The following FMN2 variants were observed in gnomAD, a reference collection of about 807,000 sequenced individuals.
FMN2 encodes the protein formin-2.
A neutral mutation model predicts 142.3 loss-of-function variants in FMN2; 51 were observed. The ratio of observed to expected loss-of-function variants is 0.36; its 90% CI spans 0.29 to 0.45. FMN2 has a LOEUF of 0.45. FMN2 is among the 20% of genes least tolerant of loss of function. The probability of loss-of-function intolerance (pLI) is 1.00; values close to 1 mark genes in which losing one functional copy is unlikely to be tolerated. For missense variants in FMN2, 1,936 were observed against 2,122.8 expected (o/e 0.91, Z 1.73); for synonymous variants, 882 against 869.8 (o/e 1.01, Z -0.25).
chr1:240,372,064 C>G (rs576924006), intron 14 of FMN2, among the ~76,000 whole-genome samples: 4 of 151,910 alleles, frequency 2.6e-5, no homozygotes, highest in Non-Finnish European at 5.9e-5. Context: ...GGTGAAACCC[C>G]GTCTGTATTA....
rs1212701132 is a variant in FMN2, at chr1:240,424,187, TAG to T, written c.4911-13871_4911-13870del. Reference sequence around the variant, plus strand: ...GAGCAACATGTCATGAAATATGAAATAGAGTCATATGAAAGAGTCAAAACTAA... The same window carrying T: ...GAGCAACATGTCATGAAATATGAAATAGTCATATGAAAGAGTCAAAACTAA... On this transcript the variant is annotated intron_variant, in intron 15 of 17. Transcript: ENST00000319653. Among the ~76,000 whole-genome samples the T allele has an allele frequency of 3.9e-5, 6 of 152,200 alleles. No homozygotes were observed. The South Asian group carries it at 6.2e-4, about 16-fold the overall frequency.
At position 240,092,765 on chromosome 1, in the gene FMN2, A is replaced by T. The variant is rs776623314; in HGVS notation, c.656A>T (p.Gln219Leu). The change falls in exon 1 of 18, where the codon CAA becomes CTA. Residue 219 changes from glutamine to leucine, a missense_variant. By Grantham distance (113) the Gln-to-Leu change is moderately radical. Coordinates refer to ENST00000319653, the MANE Select transcript of FMN2 (RefSeq NM_020066.5). ...CAGCAGCTCCAGCTCCAGCTCCAGC[A>T]ACAGCAGCAGCAGCAGCAGCTCCAG... ...QQQQLQLQLQ[Q>L]QQQQQQLQGA... 1 of 1,610,692 alleles carries T rather than the reference A, an allele frequency of 6.2e-7. No homozygotes were observed. Among genetic ancestry groups the T allele is most frequent in the South Asian group, 1.1e-5 (1 of 90,888 alleles).
chr1:240,213,918 G>A (rs116761662), intron 6 of FMN2, among the ~76,000 whole-genome samples: 7 of 152,202 alleles, frequency 4.6e-5, no homozygotes, highest in East Asian at 1.9e-4. Context: ...GCACATTGCC[G>A]TTTGGCATAA....
In FMN2 at chr1:240,473,544, T is replaced by C. The variant is rs1326545202; in HGVS notation, c.5143-584T>C. Among the ~76,000 whole-genome samples, 1 of 152,232 alleles carries C rather than the reference T, an allele frequency of 6.6e-6. No individual in the cohort carries two copies. The highest frequency in any genetic ancestry group is 2.4e-5 in the African/African-American group (1 of 41,466). ...CATTAAAATAACCCAAATTGGGATA[T>C]GATTAAATAGCCCTGTTTTTTTTTA... On this transcript the variant is annotated intron_variant, in intron 17 of 17. Transcript: ENST00000319653. The surrounding 1 kb of genome is among the most constrained non-coding windows in gnomAD (Gnocchi z 4.3).
intron 7 of FMN2, among the ~76,000 whole-genome samples, chr1:240,258,672 G>T (rs1366597049): frequency 6.6e-6 from 1 of 152,122 alleles, no homozygotes; most frequent in East Asian, 1.9e-4. Context: ...TGGCTTTAGT[G>T]TCAATATTTT....
chr1:240,282,292 TAAA>T (rs1669423683), intron 7 of FMN2, among the ~76,000 whole-genome samples: 1 of 152,210 alleles, frequency 6.6e-6, no homozygotes, highest in South Asian at 2.1e-4. Flanking sequence ...CAGGTCTATC[TAAA>T]TCCAAAACAC....
rs188973560 is a variant in FMN2 at position 240,184,752 on chromosome 1, G to T, written c.1931-3455G>T. On this transcript the variant is annotated intron_variant, in intron 3 of 17. Transcript: ENST00000319653. ...CTGGGAGGAGGAGAGTGTTGGGAAC[G>T]TGGGAGTCGGGAGTTCCGGGAGTGA... Among the ~76,000 whole-genome samples, 22 of 151,896 alleles carry T rather than the reference G, an allele frequency of 1.4e-4. 1 individual carries two copies. The highest frequency in any genetic ancestry group is 1.2e-3 in the Admixed American group (18 of 15,244).
chr1:240,216,368 G>A (rs552642560), intron 6 of FMN2, among the ~76,000 whole-genome samples: 92 of 152,310 alleles, frequency 6.0e-4, no homozygotes, highest in Admixed American at 1.2e-3. Context: ...GAGTGTAAAA[G>A]AAGAATCTGA....
At chr1:240,215,478 T>C (rs1222859732) in intron 6 of FMN2, among the ~76,000 whole-genome samples, 1 of 152,224 alleles carries the variant, frequency 6.6e-6, no homozygotes, top group African/African-American at 2.4e-5. Context: ...TCAAAGCCTC[T>C]GCTCTTCCTA....
In FMN2 at chr1:240,413,120, C is replaced by CAAA. The variant is rs35590068; in HGVS notation, c.4910+20585_4910+20587dup. On this transcript the variant is annotated intron_variant, in intron 15 of 17. Coordinates refer to ENST00000319653, the MANE Select transcript of FMN2 (RefSeq NM_020066.5). ...CCTGGGCGACAAAGCGAGACTCTGT[C>CAAA]AAAAAAAAAAAAAAAAAAAAAAAAA... 0.012 allele frequency among the ~76,000 whole-genome samples: 299 copies of CAAA among 24,586 alleles called. 53 individuals are homozygous for CAAA. The East Asian group carries it at 0.14, about 11-fold the overall frequency. The allele number at this position is 24,586 out of a possible 152,430, so 16.1% of individuals were successfully genotyped here.
chr1:240,132,997 C>T (rs1411734017), intron 2 of FMN2, among the ~76,000 whole-genome samples: 1 of 152,114 alleles, frequency 6.6e-6, no homozygotes, highest in African/African-American at 2.4e-5. Flanking sequence ...GGGGTTCTCA[C>T]AGTAGGGAGA....
intron 1 of FMN2, among the ~76,000 whole-genome samples, chr1:240,101,928 C>T: frequency 6.6e-6 from 1 of 152,048 alleles, no homozygotes; most frequent in South Asian, 2.1e-4. Context: ...TATACTGAGT[C>T]ATTACTTTTA....
chr1:240,144,104 G>A lies in FMN2; in HGVS notation c.1782+20759G>A, dbSNP rs138769143. ...CAGGTTACTTCTCAATCTGAATGAG[G>A]CCACCATCCACATCCCACAGCAGCA... On this transcript the variant is annotated intron_variant, in intron 2 of 17. Transcript: ENST00000319653. The A allele has an allele frequency of 3.7e-4, 415 of 1,134,398 alleles. 1 individual carries two copies. The African/African-American group carries it at 5.6e-3, about 15-fold the overall frequency. 70.3% of individuals were successfully genotyped at this position (1,134,398 alleles called of 1,614,324 possible).
intron 6 of FMN2, among the ~76,000 whole-genome samples, chr1:240,242,312 C>T (rs189008454): frequency 9.3e-4 from 142 of 152,150 alleles, no homozygotes; most frequent in African/African-American, 3.3e-3. Flanking sequence ...AAAAGATAGT[C>T]GAGGGAGATA....
intron 2 of FMN2, among the ~76,000 whole-genome samples, chr1:240,164,099 A>G (rs183942510): frequency 9.9e-5 from 15 of 152,236 alleles, no homozygotes; most frequent in Middle Eastern, 3.4e-3. Context: ...AGATTTTACT[A>G]TCTTGTCCAG....
chr1:240,148,678 T>C (rs1443137993), intron 2 of FMN2, among the ~76,000 whole-genome samples: 1 of 152,200 alleles, frequency 6.6e-6, no homozygotes, highest in African/African-American at 2.4e-5. Flanking sequence ...GGTATGTTGC[T>C]GAATAAAAAC....
intron 13 of FMN2, among the ~76,000 whole-genome samples, chr1:240,348,414 G>A (rs981322471): frequency 1.8e-4 from 28 of 151,630 alleles, no homozygotes; most frequent in Admixed American, 1.4e-3. Flanking sequence ...GTAGATACAG[G>A]GTTTCGCCAT....
chr1:240,091,957 G>C lies in FMN2; in HGVS notation c.-153G>C, dbSNP rs1184956276. The C allele has an allele frequency of 7.8e-7, 1 of 1,289,270 alleles. No individual in the cohort carries two copies. The highest frequency in any genetic ancestry group is 1.6e-5 in the African/African-American group (1 of 63,258). The allele number at this position is 1,289,270 out of a possible 1,614,324, so 79.9% of individuals were successfully genotyped here. Reference sequence around the variant, plus strand: ...CAAAGCGGCGGCAGATGCGAGCGGGGCCAGCCGGGCGCGCGTCGGCCTCCC... The same window carrying C: ...CAAAGCGGCGGCAGATGCGAGCGGGCCCAGCCGGGCGCGCGTCGGCCTCCC... On this transcript the variant is annotated 5_prime_UTR_variant, in exon 1 of 18. Coordinates refer to ENST00000319653, the MANE Select transcript of FMN2 (RefSeq NM_020066.5).
chr1:240,454,393 T>G (rs1327839180), intron 16 of FMN2, among the ~76,000 whole-genome samples: 1 of 151,998 alleles, frequency 6.6e-6, no homozygotes, highest in East Asian at 1.9e-4. Context: ...AATACAAAAA[T>G]TTGCTGGGCA....
Sources: allele counts gnomAD v4.1 joint callset (sites outside exome capture counted in the v4.1 genomes callset), GRCh38; gene constraint gnomAD v4.1.1; non-coding constraint Gnocchi (gnomAD v3.1); transcripts MANE v1.5; gene names NCBI Gene and HGNC (gene_info 2026-07-23, HGNC 2026-07-21).